The following CHRNA9 variants were observed in gnomAD, a reference collection of about 807,000 sequenced individuals.
The protein encoded by CHRNA9 is neuronal acetylcholine receptor subunit alpha-9.
A neutral mutation model predicts 36.8 loss-of-function variants in CHRNA9; 24 were observed. The ratio of observed to expected loss-of-function variants is 0.65; its 90% CI spans 0.47 to 0.92. The LOEUF (loss-of-function observed/expected upper bound fraction) is 0.92, where lower values mean the gene tolerates loss of function less well. Ranked by LOEUF, CHRNA9 falls within the 40% of genes least tolerant of loss-of-function variation. The pLI is 0.00. For missense variants in CHRNA9, 610 were observed against 601.2 expected (o/e 1.01, Z -0.15); for synonymous variants, 231 against 231.8 (o/e 1.00, Z 0.03).
intron 3 of CHRNA9, among the ~76,000 whole-genome samples, chr4:40,343,613 C>T (rs1412772540): frequency 6.6e-6 from 1 of 152,176 alleles, no homozygotes; most frequent in Non-Finnish European, 1.5e-5. Flanking sequence ...TGCCTGAAGG[C>T]CACTGAGTGG....
intron 3 of CHRNA9, chr4:40,347,943 T>C (rs1264882837): frequency 1.3e-5 from 2 of 152,224 alleles, no homozygotes; most frequent in African/African-American, 2.4e-5. Context: ...TTGGCAACCT[T>C]GTGAAATAGG....
At chr4:40,343,036 G>A (rs1396500691) in intron 3 of CHRNA9, among the ~76,000 whole-genome samples, 2 of 152,240 alleles carry the variant, frequency 1.3e-5, no homozygotes, top group African/African-American at 2.4e-5. Flanking sequence ...AAACAGACAA[G>A]TCTACGCTGA....
At chr4:40,335,803 A>T in intron 1 of CHRNA9, 24 bp from the exon 2 acceptor site, 3 of 1,605,986 alleles carry the variant, frequency 1.9e-6, no homozygotes, top group Non-Finnish European at 2.6e-6. Flanking sequence ...CTGAATGTTA[A>T]TCCAGATCCC....
In CHRNA9 at chr4:40,354,331, C is replaced by T; in HGVS notation, c.1251C>T (p.Tyr417=). Residue 417 remains tyrosine (Y), a synonymous_variant, in exon 5 of 5, where the codon TAC becomes TAT. Transcript: ENST00000310169. ...AGAACCCTCAGGAGGCCGAGAGTTA[C>T]TGTGCACAGTACAAAGTGCTGACGA... The part of the protein sequence containing the change: ...QGKNPQEAES[Y]CAQYKVLTRN... 1.2e-6 allele frequency: 2 copies of T among 1,614,168 alleles called. No individual in the cohort carries two copies. The highest frequency in any genetic ancestry group is 1.3e-5 in the African/African-American group (1 of 75,058).
intron 2 of CHRNA9, 138 bp downstream of exon 2, chr4:40,336,110 C>A: frequency 1.4e-6 from 1 of 727,932 alleles, no homozygotes; most frequent in East Asian, 2.5e-5. Context: ...AAGAGAATGT[C>A]GGGAAAAGGA....
chr4:40,343,042 G>T (rs759622382), intron 3 of CHRNA9, among the ~76,000 whole-genome samples: 1 of 152,190 alleles, frequency 6.6e-6, no homozygotes, highest in Non-Finnish European at 1.5e-5. Context: ...ACAAGTCTAC[G>T]CTGAGGTTCC....
intron 4 of CHRNA9, 73 bp from the exon 5 acceptor site, chr4:40,353,906 T>TA: frequency 1.5e-6 from 2 of 1,306,872 alleles, no homozygotes; most frequent in Non-Finnish European, 1.1e-6. Flanking sequence ...TGTATCCCTG[T>TA]TGTTAAGTGA....
chr4:40,354,349 G>T lies in CHRNA9; in HGVS notation c.1269G>T (p.Val423=). The stretch of plus-strand genomic sequence containing the variant: ...AGAGTTACTGTGCACAGTACAAAGT[G>T]CTGACGAGGAATATTGAGTACATCG... ...EAESYCAQYK[V]LTRNIEYIAK... is the part of the protein sequence containing the mutation. The change falls in exon 5 of 5, where the codon GTG becomes GTT. Residue 423 remains valine, a synonymous_variant. Transcript: ENST00000310169. 1.2e-6 allele frequency: 2 copies of T among 1,614,202 alleles called. No homozygotes were observed. Among genetic ancestry groups the T allele is most frequent in the South Asian group, 1.1e-5 (1 of 91,082 alleles).
At chr4:40,353,035 A>G (rs1712848083) in intron 4 of CHRNA9, among the ~76,000 whole-genome samples, 1 of 152,114 alleles carries the variant, frequency 6.6e-6, no homozygotes, top group Admixed American at 6.6e-5. Context: ...TGCGAGTTAG[A>G]TATTATTATT....
intron 3 of CHRNA9, among the ~76,000 whole-genome samples, chr4:40,342,714 A>G (rs1560316381): frequency 6.6e-6 from 1 of 152,168 alleles, no homozygotes; most frequent in Admixed American, 6.5e-5. Context: ...GGACAATAGC[A>G]GGTATCAGTT....
At chr4:40,341,617 G>A (rs140340257) in intron 3 of CHRNA9, among the ~76,000 whole-genome samples, 104 of 152,288 alleles carry the variant, frequency 6.8e-4, no homozygotes, top group Middle Eastern at 6.8e-3. Flanking sequence ...CGTCTAGAGG[G>A]TACTTAAACC....
At chr4:40,342,738 G>C (rs1251983548) in intron 3 of CHRNA9, among the ~76,000 whole-genome samples, 3 of 152,166 alleles carry the variant, frequency 2.0e-5, no homozygotes, top group Non-Finnish European at 2.9e-5. Context: ...TTTGAAAGCA[G>C]TGTGTGGAAG....
At chr4:40,352,219 A>G (rs764354684) in intron 4 of CHRNA9, among the ~76,000 whole-genome samples, 22 of 152,118 alleles carry the variant, frequency 1.4e-4, no homozygotes, top group Non-Finnish European at 2.8e-4. Flanking sequence ...ATATGTTATT[A>G]TACAGCTATT....
intron 4 of CHRNA9, among the ~76,000 whole-genome samples, chr4:40,351,193 A>G (rs1387116371): frequency 6.6e-6 from 1 of 151,372 alleles, no homozygotes; most frequent in Non-Finnish European, 1.5e-5. Context: ...TTAGCTGGGC[A>G]TGGTGGTGCG....
At chr4:40,353,348 G>A (rs1242125342) in intron 4 of CHRNA9, among the ~76,000 whole-genome samples, 6 of 152,160 alleles carry the variant, frequency 3.9e-5, no homozygotes, top group South Asian at 2.1e-4. Context: ...AAAATTAGCC[G>A]GGCGTAGTGG....
intron 3 of CHRNA9, chr4:40,348,266 T>C (rs1326251123): frequency 6.6e-6 from 1 of 152,390 alleles, no homozygotes; most frequent in African/African-American, 2.4e-5. Flanking sequence ...AAGGAGGAAG[T>C]AACGGGAGAA....
At chr4:40,350,693 T>TACACACAC (rs59972613) in intron 4 of CHRNA9, among the ~76,000 whole-genome samples, 29,725 of 143,760 alleles carry the variant, frequency 0.21, 3,227 homozygotes, top group East Asian at 0.35. Context: ...CTTTGCAAAA[T>TACACACAC]ACACACACAC....
In CHRNA9 at chr4:40,337,274, T is replaced by C; in HGVS notation, c.275T>C (p.Leu92Pro). ...CGCCAAATCTGGCACGATGCCTATC[T>C]CACGTGGGACCGAGATCAGTACGAT... ...WIRQIWHDAY[L>P]TWDRDQYDGL... Residue 92 changes from leucine to proline, a missense_variant, in exon 3 of 5, where the codon CTC (leucine) becomes CCC (proline). Coordinates refer to ENST00000310169, the MANE Select transcript of CHRNA9 (RefSeq NM_017581.4). 1 of 1,614,160 alleles carries C rather than the reference T, an allele frequency of 6.2e-7. No individual in the cohort carries two copies. Among genetic ancestry groups the C allele is most frequent in the Non-Finnish European group, 8.5e-7 (1 of 1,180,028 alleles).
Position 40,335,464 on chromosome 4 carries a change from A to G in CHRNA9, c.-4A>G. On this transcript the variant is annotated 5_prime_UTR_variant, in exon 1 of 5. Transcript: ENST00000310169. The stretch of plus-strand genomic sequence containing the variant: ...AGACTTTATTATAGAGGCTCAGGAA[A>G]AAGATGAACTGGTCCCATTCCTGCA... 1 of 1,611,974 alleles carries G rather than the reference A, an allele frequency of 6.2e-7. No homozygotes were observed. The highest frequency in any genetic ancestry group is 8.5e-7 in the Non-Finnish European group (1 of 1,177,958).
Sources: allele counts gnomAD v4.1 joint callset (sites outside exome capture counted in the v4.1 genomes callset), GRCh38; gene constraint gnomAD v4.1.1; transcripts MANE v1.5; gene names NCBI Gene and HGNC (gene_info 2026-07-23, HGNC 2026-07-21).